INTS14: variants seen among roughly 807,000 people sequenced by gnomAD.
INTS14 encodes UPF0464 protein C15orf44.
A neutral mutation model predicts 56.9 loss-of-function variants in INTS14; 27 were observed. The ratio of observed to expected loss-of-function variants is 0.47; its 90% CI spans 0.35 to 0.65. The LOEUF (loss-of-function observed/expected upper bound fraction) is 0.65. INTS14 is among the 30% of genes least tolerant of loss of function. INTS14 has a pLI of 0.00. For synonymous variants in INTS14, 207 were observed against 236.2 expected (o/e 0.88, Z 1.13); for missense variants, 517 against 632.2 (o/e 0.82, Z 1.95).
chr15:65,589,622 A>G (rs763020741), intron 9 of INTS14, among the ~76,000 whole-genome samples: 10 of 151,734 alleles, frequency 6.6e-5, no homozygotes, highest in Non-Finnish European at 1.2e-4. Context: ...ACCTCTGCCT[A>G]TTCTCCTCTC....
At chr15:65,596,013 CTG>C (rs2141288703) in intron 6 of INTS14, among the ~76,000 whole-genome samples, 188 bp from the exon 7 acceptor site, 2 of 152,258 alleles carry the variant, frequency 1.3e-5, no homozygotes, top group Admixed American at 1.3e-4. Flanking sequence ...ATAATGATAA[CTG>C]TCATTGATTT....
At position 65,599,821 on chromosome 15, in the gene INTS14, GA is replaced by G. The variant is rs1566928867; in HGVS notation, c.438del (p.Pro147LeufsTer30). The G allele has an allele frequency of 6.2e-7, 1 of 1,614,182 alleles. No homozygotes were observed. On this transcript the variant is annotated frameshift_variant, in exon 4 of 12. Coordinates refer to ENST00000313182, the MANE Select transcript of INTS14 (RefSeq NM_001394796.1). LOFTEE classifies it high-confidence loss of function. ...ATGATATATAACTTAGATGGGAAAG[GA>G]AAAGGTAGTGGAAACCTGTTGCTCT... ...RSESNRFPLP[F>X]PFPSKLYIMC...
intron 7 of INTS14, among the ~76,000 whole-genome samples, chr15:65,594,905 C>T (rs1322590277): frequency 6.6e-6 from 1 of 152,078 alleles, no homozygotes; most frequent in East Asian, 1.9e-4. Flanking sequence ...TGTCTGTGAA[C>T]ATGTGATTGG....
intron 1 of INTS14, among the ~76,000 whole-genome samples, chr15:65,609,336 T>C (rs573313773): frequency 1.3e-5 from 2 of 151,804 alleles, no homozygotes; most frequent in Middle Eastern, 3.4e-3. Context: ...GTTGTAAGCA[T>C]AGGCGTAAAA....
chr15:65,597,722 G>C (rs78667238), intron 6 of INTS14, among the ~76,000 whole-genome samples: 2 of 152,186 alleles, frequency 1.3e-5, no homozygotes, highest in Non-Finnish European at 2.9e-5. Context: ...GCAAAGTATA[G>C]AAGCTAGCCC....
intron 9 of INTS14, among the ~76,000 whole-genome samples, chr15:65,589,280 CCT>C (rs2072938568): frequency 3.3e-5 from 5 of 152,194 alleles, no homozygotes; most frequent in Admixed American, 2.6e-4. Flanking sequence ...ACCTCCGCCC[CCT>C]GAGTAACTGG....
At position 65,591,587 on chromosome 15, in the gene INTS14, C is replaced by A. The variant is rs759456215; in HGVS notation, c.1120+11G>T. 1.9e-6 allele frequency: 3 copies of A among 1,611,424 alleles called. No individual in the cohort carries two copies. The highest frequency in any genetic ancestry group is 2.2e-5 in the South Asian group (2 of 90,636). On this transcript the variant is annotated intron_variant, in intron 9 of 11. Coordinates refer to ENST00000313182, the MANE Select transcript of INTS14 (RefSeq NM_001394796.1). ...AAAGTCAGGATAAGTAAAATCTGAT[C>A]TGGATTATACCTGAAATAGGACCCA...
At chr15:65,584,742 T>G (rs1328210426) in intron 10 of INTS14, 28 bp downstream of exon 10, 9 of 1,599,498 alleles carry the variant, frequency 5.6e-6, no homozygotes, top group Non-Finnish European at 7.7e-6. Flanking sequence ...CTGTCCCCAG[T>G]GGAAAGCAAC....
chr15:65,595,629 C>G (rs1274891173), intron 7 of INTS14, 104 bp downstream of exon 7: 12 of 840,872 alleles, frequency 1.4e-5, no homozygotes, highest in Non-Finnish European at 2.3e-5. Flanking sequence ...TGTAACTATT[C>G]CTTTCCCCTA....
chr15:65,583,279 AC>A, intron 10 of INTS14, among the ~76,000 whole-genome samples: 1 of 152,336 alleles, frequency 6.6e-6, no homozygotes, highest in Admixed American at 6.5e-5. Flanking sequence ...CCAAAAGGTA[AC>A]CCTAATGTCC....
rs527700420 is a variant in INTS14, at chr15:65,610,426, C to A, written c.-63+672G>T. 1.2e-3 allele frequency among the ~76,000 whole-genome samples: 188 copies of A among 152,270 alleles called. 1 individual carries two copies. The highest frequency in any genetic ancestry group is 3.4e-3 in the Middle Eastern group (1 of 294). ...TGAGCACAACACTATGTATTCCTCA[C>A]TTGGGTGGATTCTGAGCCCCCAAGT... On this transcript the variant is annotated intron_variant, in intron 1 of 11. Transcript: ENST00000313182.
intron 3 of INTS14, among the ~76,000 whole-genome samples, chr15:65,600,910 A>C (rs1250511072): frequency 6.6e-6 from 1 of 152,202 alleles, no homozygotes; most frequent in Non-Finnish European, 1.5e-5. Flanking sequence ...ATTCTTACTT[A>C]ATTGTATTAA....
Position 65,605,253 on chromosome 15 carries a change from T to A in INTS14, c.223-17A>T, listed in dbSNP as rs560241102. ...TAGTGCTTCCTTATTGAATAAAAGA[T>A]AAAATTGCTAGTTACTCTTTAGTTT... On this transcript the variant is annotated splice_polypyrimidine_tract_variant and intron_variant, in intron 2 of 11. Transcript: ENST00000313182. 3.2e-6 allele frequency: 5 copies of A among 1,574,882 alleles called. No homozygotes were observed. In the South Asian group the frequency reaches 5.6e-5, roughly 18 times the overall value.
At chr15:65,610,934 G>T in intron 1 of INTS14, 164 bp downstream of exon 1, 1 of 1,466,112 alleles carries the variant, frequency 6.8e-7, no homozygotes, top group Non-Finnish European at 9.0e-7. Context: ...GGGAGGCCGG[G>T]AGCAGCGCCC....
At chr15:65,586,532 AG>A (rs1480691811) in intron 9 of INTS14, 1 of 152,204 alleles carries the variant, frequency 6.6e-6, no homozygotes, top group Non-Finnish European at 1.5e-5. Flanking sequence ...CCTAGCACTT[AG>A]TATCAGTACC....
At chr15:65,607,578 C>G in intron 1 of INTS14, 136 bp from the exon 2 acceptor site, 1 of 995,584 alleles carries the variant, frequency 1.0e-6, no homozygotes. Context: ...GTAGAGAACT[C>G]AGTGAGAGGG....
chr15:65,610,846 A>C, intron 1 of INTS14: 1 of 1,523,394 alleles, frequency 6.6e-7, no homozygotes, highest in East Asian at 2.5e-5. Flanking sequence ...TCTTGGAAAG[A>C]GGGGGCAGAG....
intron 3 of INTS14, among the ~76,000 whole-genome samples, chr15:65,600,566 C>T (rs1425441766): frequency 6.6e-6 from 1 of 151,798 alleles, no homozygotes; most frequent in Non-Finnish European, 1.5e-5. Flanking sequence ...GAAGTCGAGG[C>T]TACAGTGAGT....
intron 6 of INTS14, among the ~76,000 whole-genome samples, chr15:65,596,659 C>T (rs992520760): frequency 1.3e-5 from 2 of 152,144 alleles, no homozygotes; most frequent in African/African-American, 4.8e-5. Context: ...CAACCTCCTC[C>T]TCCTGAGTTC....
Sources: allele counts gnomAD v4.1 joint callset (sites outside exome capture counted in the v4.1 genomes callset), GRCh38; gene constraint gnomAD v4.1.1; transcripts MANE v1.5; gene names NCBI Gene and HGNC (gene_info 2026-07-23, HGNC 2026-07-21).